PTPRD: variants seen among roughly 807,000 people sequenced by gnomAD.
PTPRD encodes receptor-type tyrosine-protein phosphatase delta.
PTPRD carries 34 observed loss-of-function variants against 214.5 expected under a neutral mutation model. That is an observed-to-expected ratio of 0.16 (90% confidence interval 0.12 to 0.21). The LOEUF (loss-of-function observed/expected upper bound fraction) is 0.21. Ranked by LOEUF, PTPRD falls within the 10% of genes least tolerant of loss-of-function variation. The pLI, the probability that PTPRD is intolerant of heterozygous loss-of-function variation, is 1.00. For synonymous variants in PTPRD, 1,128 were observed against 845.7 expected, an observed-to-expected ratio of 1.33 and a Z score of -5.79; for missense variants, 2,545 against 2,398.7, an observed-to-expected ratio of 1.06 and a Z score of -1.27.
At position 9,076,644 on chromosome 9, in the gene PTPRD, T is replaced by A. The variant is rs1179140624; in HGVS notation, c.-142-57909A>T. Among the ~76,000 whole-genome samples the A allele has an allele frequency of 2.0e-5, 3 of 152,102 alleles. No homozygotes were observed. The South Asian group carries it at 6.2e-4, about 31-fold the overall frequency. On this transcript the variant is annotated intron_variant, in intron 10 of 45. Transcript: ENST00000381196. ...AATGACAGGATCTCATTCTTTTTCA[T>A]AGCTGAATAGTACTCCACTGTGTGA...
chr9:9,275,184 TTATA>T (rs869129585), intron 9 of PTPRD, among the ~76,000 whole-genome samples: 1 of 21,436 alleles, frequency 4.7e-5, no homozygotes, highest in East Asian at 7.8e-4. Context: ...AATATATATG[TTATA>T]TATATATATA....
chr9:10,505,996 T>C (rs1170916153), intron 2 of PTPRD, among the ~76,000 whole-genome samples: 1 of 152,154 alleles, frequency 6.6e-6, no homozygotes, highest in African/African-American at 2.4e-5. Flanking sequence ...ATGATCATTT[T>C]ACTCACATTT....
chr9:8,367,241 G>C (rs149558619), intron 39 of PTPRD, among the ~76,000 whole-genome samples: 4 of 151,538 alleles, frequency 2.6e-5, no homozygotes, highest in Admixed American at 2.0e-4. Context: ...TTTTTTTTAA[G>C]TTAGAAGCTT....
chr9:8,529,332 G>T (rs2075074871), intron 14 of PTPRD, among the ~76,000 whole-genome samples: 3 of 152,026 alleles, frequency 2.0e-5, no homozygotes, highest in African/African-American at 7.2e-5. Context: ...TTATAACTCT[G>T]TTTTCCCTCA....
intron 11 of PTPRD, among the ~76,000 whole-genome samples, chr9:8,945,671 C>A (rs10977390): frequency 6.6e-6 from 1 of 152,018 alleles, no homozygotes. Context: ...TGTCTTTTTC[C>A]TGTTTTATCA....
chr9:9,056,410 G>C lies in PTPRD; in HGVS notation c.-142-37675C>G, dbSNP rs138664720. On this transcript the variant is annotated intron_variant, in intron 10 of 45. Transcript: ENST00000381196. ...TAGATGATCAGCCCTGCAGTAACCCGCATAGCACAGACCTGATCAGTGTGA... is the reference window on the plus strand; with the variant it reads ...TAGATGATCAGCCCTGCAGTAACCCCCATAGCACAGACCTGATCAGTGTGA... Among the ~76,000 whole-genome samples the C allele has an allele frequency of 1.6e-4, 24 of 152,236 alleles. No individual in the cohort carries two copies. The South Asian group carries it at 2.9e-3, about 18-fold the overall frequency.
At chr9:10,273,863 T>A (rs993475425) in intron 3 of PTPRD, among the ~76,000 whole-genome samples, 1 of 152,144 alleles carries the variant, frequency 6.6e-6, no homozygotes, top group African/African-American at 2.4e-5. Flanking sequence ...TAATAGAGCA[T>A]TTTTGGAGCT....
intron 7 of PTPRD, among the ~76,000 whole-genome samples, chr9:9,628,461 A>T (rs2095489617): frequency 6.6e-6 from 1 of 152,086 alleles, no homozygotes; most frequent in African/African-American, 2.4e-5. Context: ...CTCAATTGCT[A>T]CATCTCTTTC....
At chr9:10,233,705 G>C (rs1181064892) in intron 3 of PTPRD, among the ~76,000 whole-genome samples, 1 of 151,938 alleles carries the variant, frequency 6.6e-6, no homozygotes, top group Non-Finnish European at 1.5e-5. Context: ...CATTGGGAAA[G>C]CTTAAGCTAA....
chr9:10,064,381 T>C (rs2097839243), intron 3 of PTPRD, among the ~76,000 whole-genome samples: 1 of 151,996 alleles, frequency 6.6e-6, no homozygotes, highest in African/African-American at 2.4e-5. Context: ...TCAAAAAAGA[T>C]GAAAAACATG....
chr9:10,427,551 C>G (rs140313488), intron 2 of PTPRD, among the ~76,000 whole-genome samples: 173 of 152,134 alleles, frequency 1.1e-3, no homozygotes, highest in African/African-American at 3.5e-3. Context: ...TGCATATGGT[C>G]CACTGATGGT....
intron 12 of PTPRD, among the ~76,000 whole-genome samples, chr9:8,645,932 C>A (rs1024625109): frequency 1.3e-5 from 2 of 151,932 alleles, no homozygotes; most frequent in African/African-American, 4.8e-5. Context: ...TTCTCCTTTG[C>A]CCACAATACC....
At chr9:8,591,233 C>T (rs1036335271) in intron 14 of PTPRD, among the ~76,000 whole-genome samples, 1 of 152,128 alleles carries the variant, frequency 6.6e-6, no homozygotes, top group African/African-American at 2.4e-5. Flanking sequence ...TTCCCTTTGC[C>T]TTGTAGGGTA....
intron 5 of PTPRD, among the ~76,000 whole-genome samples, chr9:9,898,486 G>T (rs1468427432): frequency 6.6e-6 from 1 of 151,948 alleles, no homozygotes; most frequent in Admixed American, 6.6e-5. Flanking sequence ...AACAGAGAAA[G>T]ATACCGCATC....
chr9:8,587,442 G>T (rs1237513436), intron 14 of PTPRD, among the ~76,000 whole-genome samples: 2 of 152,108 alleles, frequency 1.3e-5, no homozygotes, highest in Non-Finnish European at 2.9e-5. Context: ...CAAAAGAAAA[G>T]AATAAATACA....
intron 4 of PTPRD, among the ~76,000 whole-genome samples, chr9:9,955,506 TTTTTGTTTTG>T (rs1206298867): frequency 2.7e-5 from 4 of 149,808 alleles, no homozygotes; most frequent in Non-Finnish European, 5.9e-5. Flanking sequence ...GTTTTCGTTT[TTTTTGTTTTG>T]TTTTGTTTTG....
chr9:8,762,121 C>T (rs961773937), intron 11 of PTPRD, among the ~76,000 whole-genome samples: 3 of 152,050 alleles, frequency 2.0e-5, no homozygotes, highest in African/African-American at 7.2e-5. Flanking sequence ...TATATATATA[C>T]AAAGGTTCTG....
intron 11 of PTPRD, among the ~76,000 whole-genome samples, chr9:8,914,531 C>T (rs1897669): frequency 0.98 from 149,463 of 152,176 alleles, 73,445 homozygotes; most frequent in Middle Eastern, 1. Context: ...TGATAGGGGT[C>T]GAGATAAATC....
At chr9:10,264,450 A>C (rs2093915661) in intron 3 of PTPRD, among the ~76,000 whole-genome samples, 1 of 152,166 alleles carries the variant, frequency 6.6e-6, no homozygotes, top group African/African-American at 2.4e-5. Flanking sequence ...CATGGAGTCA[A>C]AGGAGATCAT....
Sources: allele counts gnomAD v4.1 joint callset (sites outside exome capture counted in the v4.1 genomes callset), GRCh38; gene constraint gnomAD v4.1.1; transcripts MANE v1.5; gene names NCBI Gene and HGNC (gene_info 2026-07-23, HGNC 2026-07-21).